The following SDK2 variants were observed in gnomAD, a reference collection of about 807,000 sequenced individuals.
The protein encoded by SDK2 is protein sidekick-2.
Under a neutral mutation model 253.9 loss-of-function variants are expected in SDK2, and 105 were observed. That is an observed-to-expected ratio of 0.41 (90% CI 0.35 to 0.49). The LOEUF is 0.49. Ranked by LOEUF, SDK2 falls within the 20% of genes least tolerant of loss-of-function variation. The probability of loss-of-function intolerance (pLI) is 0.06; values close to 1 mark genes in which losing one functional copy is unlikely to be tolerated. For synonymous variants in SDK2, 1,249 were observed against 1,234.9 expected, an observed-to-expected ratio of 1.01 and a Z score of -0.24; for missense variants, 2,608 against 3,003.0, an observed-to-expected ratio of 0.87 and a Z score of 3.07.
rs367875753 is a variant in SDK2 at position 73,403,415 on chromosome 17, C to T, written c.2485-1274G>A. Reference sequence around the variant, plus strand: ...GCTCATCTCCCCTCTGCAGATCACACCTGGCCCCCGCCCCCTCCCGCCTGT... The same window carrying T: ...GCTCATCTCCCCTCTGCAGATCACATCTGGCCCCCGCCCCCTCCCGCCTGT... On this transcript the variant is annotated intron_variant, in intron 18 of 44. Coordinates refer to ENST00000392650, the MANE Select transcript of SDK2 (RefSeq NM_001144952.2). Among the ~76,000 whole-genome samples the T allele has an allele frequency of 3.4e-3, 513 of 152,258 alleles. 3 individuals are homozygous for T. The highest frequency in any genetic ancestry group is 0.023 in the South Asian group (110 of 4,822).
chr17:73,601,800 G>C (rs539541002), intron 1 of SDK2, among the ~76,000 whole-genome samples: 7 of 152,122 alleles, frequency 4.6e-5, no homozygotes, highest in African/African-American at 1.7e-4. Context: ...CTGGAGTGCA[G>C]TGGCGCCATT....
chr17:73,379,589 A>G lies in SDK2; in HGVS notation c.4763-40T>C. The G allele has an allele frequency of 1.6e-6, 2 of 1,285,924 alleles. No homozygotes were observed. Among genetic ancestry groups the G allele is most frequent in the South Asian group, 2.6e-5 (2 of 77,306 alleles). The allele number at this position is 1,285,924 out of a possible 1,614,324, so 79.7% of individuals were successfully genotyped here. A position where few individuals can be genotyped will look rare whatever the true frequency, so the allele number is the denominator to read the frequency against. Reference sequence around the variant, plus strand: ...GGGGGAGGGGAAGCACACTGAGGTCACCGTCATTGCTGGGAAGGTGTCCCC... The same window carrying G: ...GGGGGAGGGGAAGCACACTGAGGTCGCCGTCATTGCTGGGAAGGTGTCCCC... On this transcript the variant is annotated intron_variant, in intron 34 of 44. Coordinates refer to ENST00000392650, the MANE Select transcript of SDK2 (RefSeq NM_001144952.2). The surrounding 1 kb of genome is among the most constrained non-coding windows in gnomAD (Gnocchi z 4.5).
At chr17:73,632,218 G>C (rs747857928) in intron 1 of SDK2, among the ~76,000 whole-genome samples, 4 of 152,248 alleles carry the variant, frequency 2.6e-5, no homozygotes, top group Non-Finnish European at 5.9e-5. Flanking sequence ...GTGTGTCTAT[G>C]AGGGTGTTGC....
At chr17:73,461,134 C>T (rs951898424) in intron 3 of SDK2, among the ~76,000 whole-genome samples, 1 of 152,260 alleles carries the variant, frequency 6.6e-6, no homozygotes, top group African/African-American at 2.4e-5. Context: ...TCTATAGATG[C>T]TAAGCCTTGA....
At chr17:73,482,010 C>T (rs1242271455) in intron 2 of SDK2, among the ~76,000 whole-genome samples, 1 of 152,192 alleles carries the variant, frequency 6.6e-6, no homozygotes, top group Admixed American at 6.5e-5. Flanking sequence ...TGTGGTGGCT[C>T]ACGCCTGGAA....
chr17:73,419,891 A>AAT (rs1323984886), intron 15 of SDK2, among the ~76,000 whole-genome samples: 2 of 151,946 alleles, frequency 1.3e-5, no homozygotes, highest in African/African-American at 4.8e-5. Context: ...AAAAAAAAAA[A>AAT]AAAATTAATG....
Position 73,387,884 on chromosome 17 carries a change from A to T in SDK2, c.4346T>A (p.Leu1449Gln), listed in dbSNP as rs370137730. The T allele has an allele frequency of 1.9e-6, 3 of 1,589,876 alleles. No individual in the cohort carries two copies. Among genetic ancestry groups the T allele is most frequent in the Non-Finnish European group, 2.6e-6 (3 of 1,169,368 alleles). The change falls in exon 30 of 45, where the codon CTG becomes CAG. Residue 1449 changes from leucine (L) to glutamine (Q), a missense_variant. By Grantham distance (113) the Leu-to-Gln change is moderately radical. This residue lies in a region of SDK2 where 1,103 missense variants were observed against 1,143.9 expected (regional missense o/e 0.96). Transcript: ENST00000392650. Reference sequence around the variant, plus strand: ...ATTGTGGCTCACGGAGGCCGAGTGCAGTGCCCACCTGCCGCTGGGCAGCTC... The same window carrying T: ...ATTGTGGCTCACGGAGGCCGAGTGCTGTGCCCACCTGCCGCTGGGCAGCTC... Reference protein sequence around the residue: ...TRELPSGRWALHSASVSHNAS... With the variant: ...TRELPSGRWAQHSASVSHNAS...
chr17:73,525,971 G>A (rs1205141743), intron 1 of SDK2, among the ~76,000 whole-genome samples: 2 of 152,276 alleles, frequency 1.3e-5, no homozygotes, highest in Non-Finnish European at 2.9e-5. Context: ...GAGCTCCCAG[G>A]CTCACAGGGG....
At chr17:73,344,331 C>T (rs541492487) in intron 44 of SDK2, among the ~76,000 whole-genome samples, 5 of 152,342 alleles carry the variant, frequency 3.3e-5, no homozygotes, top group African/African-American at 1.2e-4. Flanking sequence ...TCAGAGATGT[C>T]TGTGGTCAGG....
At chr17:73,388,780 T>TTCCTTCCCTCCC (rs2062897029) in intron 29 of SDK2, among the ~76,000 whole-genome samples, 1 of 79,130 alleles carries the variant, frequency 1.3e-5, no homozygotes, top group South Asian at 4.5e-4. Context: ...CTCTCCTTCC[T>TTCCTTCCCTCCC]TCCTTCCTTC....
intron 18 of SDK2, among the ~76,000 whole-genome samples, chr17:73,407,822 T>G (rs2063091461): frequency 6.6e-6 from 1 of 152,144 alleles, no homozygotes; most frequent in African/African-American, 2.4e-5. Flanking sequence ...AACTGAAACT[T>G]CAGGTAACCA....
At chr17:73,399,535 T>C (rs1300509105) in intron 21 of SDK2, among the ~76,000 whole-genome samples, 1 of 152,092 alleles carries the variant, frequency 6.6e-6, no homozygotes, top group Non-Finnish European at 1.5e-5. Flanking sequence ...GAGAGGAGGC[T>C]CTCAGGGCCA....
Position 73,379,987 on chromosome 17 carries a change from G to A in SDK2, c.4763-438C>T, listed in dbSNP as rs922111564. ...ACACAGCGGGGCTCAGCTCCAGGGG[G>A]GAGGGGCGCATTGGATGTGAATTCT... On this transcript the variant is annotated intron_variant, in intron 34 of 44. Coordinates refer to ENST00000392650, the MANE Select transcript of SDK2 (RefSeq NM_001144952.2). The surrounding 1 kb of genome is among the most constrained non-coding windows in gnomAD (Gnocchi z 4.5). 2.0e-5 allele frequency among the ~76,000 whole-genome samples: 3 copies of A among 152,110 alleles called. No homozygotes were observed. The highest frequency in any genetic ancestry group is 7.2e-5 in the African/African-American group (3 of 41,412).
At chr17:73,422,557 G>A in intron 14 of SDK2, 123 bp from the exon 15 acceptor site, 1 of 1,125,538 alleles carries the variant, frequency 8.9e-7, no homozygotes, top group Non-Finnish European at 1.3e-6. Flanking sequence ...TCCCCAGCTT[G>A]GTGCAGGAGT....
chr17:73,446,841 C>G (rs2063456405), intron 5 of SDK2, among the ~76,000 whole-genome samples: 1 of 152,154 alleles, frequency 6.6e-6, no homozygotes. Flanking sequence ...GGGCTGTCCA[C>G]CCCTCCCTCC....
intron 1 of SDK2, among the ~76,000 whole-genome samples, chr17:73,542,214 C>T (rs61737201): frequency 0.012 from 1,826 of 152,308 alleles, 23 homozygotes; most frequent in Non-Finnish European, 0.017. Context: ...GCTTCCCATC[C>T]CTGGTGCCTT....
chr17:73,370,807 T>C (rs1426770103), intron 36 of SDK2, among the ~76,000 whole-genome samples: 2 of 151,998 alleles, frequency 1.3e-5, no homozygotes, highest in Non-Finnish European at 2.9e-5. Flanking sequence ...CTCACACCTG[T>C]AATCCTAGCA....
Position 73,384,005 on chromosome 17 carries a change from C to T in SDK2, c.4576G>A (p.Ala1526Thr), listed in dbSNP as rs2062852798. ...TSVLIRWQPP[A>T]EDKINGILLG... ...AGGATGCCATTGATCTTGTCCTCTG[C>T]TGGCGGCTGCAGGAAGGGAGTAGGG... Residue 1526 changes from alanine to threonine, a missense_variant, in exon 33 of 45, where the codon GCA (alanine) becomes ACA (threonine). This residue lies in a region of SDK2 where 1,103 missense variants were observed against 1,143.9 expected (regional missense o/e 0.96). Coordinates refer to ENST00000392650, the MANE Select transcript of SDK2 (RefSeq NM_001144952.2). 6.2e-7 allele frequency: 1 copy of T among 1,613,568 alleles called. No individual in the cohort carries two copies. The highest frequency in any genetic ancestry group is 8.5e-7 in the Non-Finnish European group (1 of 1,179,764).
intron 36 of SDK2, among the ~76,000 whole-genome samples, chr17:73,374,459 G>A (rs1480818181): frequency 1.4e-5 from 2 of 139,840 alleles, no homozygotes; most frequent in Non-Finnish European, 1.5e-5. Flanking sequence ...TTCCATGTTC[G>A]ATTTGTCGGT....
Sources: allele counts gnomAD v4.1 joint callset (sites outside exome capture counted in the v4.1 genomes callset), GRCh38; gene constraint gnomAD v4.1.1; regional missense constraint gnomAD v4.1.1; non-coding constraint Gnocchi (gnomAD v3.1); transcripts MANE v1.5; gene names NCBI Gene and HGNC (gene_info 2026-07-23, HGNC 2026-07-21).